SREBF2: variants seen among roughly 807,000 people sequenced by gnomAD.
SREBF2 encodes sterol regulatory element-binding protein 2.
SREBF2 carries 55 observed loss-of-function variants against 113.1 expected under a neutral mutation model. The observed-to-expected ratio is 0.49, with a 90% CI of 0.39 to 0.61. SREBF2 has a LOEUF of 0.61. SREBF2 is among the 20% of genes least tolerant of loss of function. The pLI is 0.00. For missense variants in SREBF2, 1,349 were observed against 1,487.4 expected (o/e 0.91, Z 1.53); for synonymous variants, 593 against 605.7 (o/e 0.98, Z 0.31).
chr22:41,854,782 T>A lies in SREBF2; in HGVS notation c.89-12049T>A, dbSNP rs548203042. On this transcript the variant is annotated intron_variant, in intron 1 of 18. Coordinates refer to ENST00000361204, the MANE Select transcript of SREBF2 (RefSeq NM_004599.4). ...TACTCAGGAGCCTGAGGCTTGAGAATTGCTTGAACGTGGGAGGCGGAGGTG... is the reference window on the plus strand; with the variant it reads ...TACTCAGGAGCCTGAGGCTTGAGAAATGCTTGAACGTGGGAGGCGGAGGTG... 4.0e-5 allele frequency among the ~76,000 whole-genome samples: 6 copies of A among 151,836 alleles called. No homozygotes were observed. The East Asian group carries it at 1.2e-3, about 30-fold the overall frequency.
chr22:41,846,779 C>CA (rs2076880183), intron 1 of SREBF2, among the ~76,000 whole-genome samples: 4 of 152,148 alleles, frequency 2.6e-5, no homozygotes, highest in Admixed American at 2.6e-4. Context: ...CCGTTAAGCT[C>CA]GGTTTTCACT....
At chr22:41,846,369 C>G (rs1187296892) in intron 1 of SREBF2, among the ~76,000 whole-genome samples, 2 of 152,276 alleles carry the variant, frequency 1.3e-5, no homozygotes, top group Non-Finnish European at 2.9e-5. Context: ...GGGTCATTCC[C>G]TCAAGGGTCG....
At chr22:41,902,947 C>T (rs1229001310) in intron 16 of SREBF2, 23 bp from the exon 17 acceptor site, 2 of 1,602,876 alleles carry the variant, frequency 1.2e-6, no homozygotes, top group Admixed American at 1.7e-5. Flanking sequence ...CCTGTCTCCC[C>T]TCTCTCGTGG....
intron 11 of SREBF2, among the ~76,000 whole-genome samples, chr22:41,892,668 A>AG (rs1556091695): frequency 1.3e-5 from 2 of 150,554 alleles, no homozygotes; most frequent in Non-Finnish European, 3.0e-5. Flanking sequence ...AAAAAAAAAA[A>AG]TGACATGATA....
At chr22:41,882,946 A>C (rs2077262603) in intron 10 of SREBF2, among the ~76,000 whole-genome samples, 3 of 152,194 alleles carry the variant, frequency 2.0e-5, no homozygotes, top group Admixed American at 2.0e-4. Flanking sequence ...TCTCCAAAAA[A>C]AATTCAAAAA....
At chr22:41,899,981 A>G in intron 15 of SREBF2, 2 of 1,214,022 alleles carry the variant, frequency 1.6e-6, no homozygotes, top group Non-Finnish European at 2.1e-6. Context: ...GTGGTCCCTT[A>G]AAGAACGGGT....
chr22:41,841,501 C>T (rs1014500259), intron 1 of SREBF2, among the ~76,000 whole-genome samples: 14 of 152,210 alleles, frequency 9.2e-5, no homozygotes, highest in South Asian at 2.1e-4. Flanking sequence ...TATTTGGCCT[C>T]GCCCTTGACA....
In SREBF2 at chr22:41,833,179, G is replaced by A. The variant is rs996837715; in HGVS notation, c.-92G>A. ...CCGTCGGTGAGGCGGTGCCGGGCGG[G>A]GGTTGTCGGGTGTCATGGGCGGTGG... On this transcript the variant is annotated 5_prime_UTR_variant, in exon 1 of 19. Coordinates refer to ENST00000361204, the MANE Select transcript of SREBF2 (RefSeq NM_004599.4). The surrounding 1 kb of genome is among the most constrained non-coding windows in gnomAD (Gnocchi z 4.1). The A allele has an allele frequency of 1.2e-5, 12 of 992,658 alleles. No individual in the cohort carries two copies. The Admixed American group carries it at 3.6e-4, about 30-fold the overall frequency. 61.5% of individuals were successfully genotyped at this position (992,658 alleles called of 1,614,324 possible).
At position 41,878,582 on chromosome 22, in the gene SREBF2, A is replaced by G; in HGVS notation, c.1761+459A>G. 3.0e-6 allele frequency: 3 copies of G among 998,848 alleles called. No individual in the cohort carries two copies. In the South Asian group the frequency reaches 4.0e-5, roughly 13 times the overall value. The allele number at this position is 998,848 out of a possible 1,614,324, so 61.9% of individuals were successfully genotyped here. On this transcript the variant is annotated intron_variant, in intron 9 of 18. Transcript: ENST00000361204. ...TCACTAGGAACTGATTTGGGGCTTT[A>G]TTCCCAATTCTCTATAGAACCAGGA...
rs367980385 is a variant in SREBF2 at position 41,866,982 on chromosome 22, C to T, written c.240C>T (p.Ser80=). 1.1e-5 allele frequency: 17 copies of T among 1,614,068 alleles called. No individual in the cohort carries two copies. The highest frequency in any genetic ancestry group is 1.4e-5 in the Non-Finnish European group (17 of 1,180,042). The part of the protein sequence containing the change: ...SSSSSNGRGS[S]SGAVDPSVQR... ...GCAGCAGCAATGGCAGGGGCAGCAG[C>T]AGCGGAGCTGTGGACCCTTCAGTGC... The change falls in exon 2 of 19, where the codon AGC becomes AGT. Residue 80 remains serine, a synonymous_variant. Coordinates refer to ENST00000361204, the MANE Select transcript of SREBF2 (RefSeq NM_004599.4).
intron 10 of SREBF2, 65 bp from the exon 11 acceptor site, chr22:41,884,777 G>A: frequency 6.4e-7 from 1 of 1,568,642 alleles, no homozygotes; most frequent in Non-Finnish European, 8.8e-7. Context: ...TCGTGCTGGA[G>A]AGAGCAGGAA....
intron 10 of SREBF2, among the ~76,000 whole-genome samples, chr22:41,882,041 CA>C (rs901580760): frequency 6.1e-5 from 9 of 146,428 alleles, no homozygotes; most frequent in Middle Eastern, 3.5e-3. Flanking sequence ...CATAGCACTC[CA>C]AAAAAAAAAG....
In SREBF2 at chr22:41,867,130, ATTC is replaced by A; in HGVS notation, c.392_394del (p.Leu131del). ...TCCCACCACACCCAGGGCAACTCCT[ATTC>A]TTCAGCCCCGCCCCCAGCCCCAGCC... On this transcript the variant is annotated inframe_deletion, in exon 2 of 19. Transcript: ENST00000361204. 6.2e-7 allele frequency: 1 copy of A among 1,614,124 alleles called. No homozygotes were observed. Among genetic ancestry groups the A allele is most frequent in the Non-Finnish European group, 8.5e-7 (1 of 1,180,024 alleles).
chr22:41,868,722 A>C lies in SREBF2; in HGVS notation c.650A>C (p.Asn217Thr), dbSNP rs199832308. Residue 217 changes from asparagine to threonine, a missense_variant, in exon 3 of 19, where the codon AAT becomes ACT. Transcript: ENST00000361204. ...CAGCGGGTGCTGACACAAACGGCCA[A>C]TGGCACGCTGCAGACCCTTGCCCCG... ...QAQRVLTQTA[N>T]GTLQTLAPAT... 1 of 1,614,208 alleles carries C rather than the reference A, an allele frequency of 6.2e-7. No individual in the cohort carries two copies. Among genetic ancestry groups the C allele is most frequent in the East Asian group, 2.2e-5 (1 of 44,884 alleles).
chr22:41,886,659 C>T (rs1307265781), intron 11 of SREBF2, among the ~76,000 whole-genome samples: 1 of 152,204 alleles, frequency 6.6e-6, no homozygotes, highest in Non-Finnish European at 1.5e-5. Context: ...AAGGTAACCA[C>T]TCTTCTGAAT....
intron 12 of SREBF2, among the ~76,000 whole-genome samples, chr22:41,893,878 T>G (rs947295121): frequency 6.6e-6 from 1 of 152,204 alleles, no homozygotes; most frequent in Non-Finnish European, 1.5e-5. Flanking sequence ...CCTTGAGTGC[T>G]CAGTGGCTGT....
intron 11 of SREBF2, among the ~76,000 whole-genome samples, chr22:41,889,419 G>A (rs1457730737): frequency 2.0e-5 from 3 of 152,114 alleles, no homozygotes; most frequent in Non-Finnish European, 4.4e-5. Flanking sequence ...GCACCACCGC[G>A]CCTGGCCTCT....
At position 41,880,868 on chromosome 22, in the gene SREBF2, C is replaced by G; in HGVS notation, c.1914C>G (p.Leu638=). The stretch of plus-strand genomic sequence containing the variant: ...AGCTACGCCTGGTGCGCTGGCTGCT[C>G]AAGAAAGTCTTCCAGTGCCGGCGGG... ...LQKLRLVRWL[L]KKVFQCRRAT... is the part of the protein sequence containing the mutation. Residue 638 remains leucine (L), a synonymous_variant, in exon 10 of 19, where the codon CTC becomes CTG. Transcript: ENST00000361204. 2 of 1,613,934 alleles carry G rather than the reference C, an allele frequency of 1.2e-6. No individual in the cohort carries two copies. The highest frequency in any genetic ancestry group is 1.7e-5 in the Admixed American group (1 of 60,034).
chr22:41,859,232 A>C (rs2077003774), intron 1 of SREBF2, among the ~76,000 whole-genome samples: 1 of 152,194 alleles, frequency 6.6e-6, no homozygotes, highest in East Asian at 1.9e-4. Context: ...TTTGGCTTGA[A>C]AAACACCTGA....
Sources: gnomAD v4.1 joint callset for allele counts (sites outside exome capture counted in the v4.1 genomes callset) on GRCh38, gnomAD v4.1.1 for gene constraint, Gnocchi (gnomAD v3.1) non-coding constraint, MANE v1.5 for transcripts, NCBI Gene and HGNC (gene_info 2026-07-23, HGNC 2026-07-21) for gene names.